NR1H3: variants seen among roughly 807,000 people sequenced by gnomAD.
NR1H3 encodes the protein nuclear receptor subfamily 1 group H member 3.
NR1H3 carries 19 observed loss-of-function variants against 48.1 expected under a neutral mutation model. The observed-to-expected ratio is 0.40, with a 90% CI of 0.28 to 0.58. The LOEUF is 0.58. Ranked by LOEUF, NR1H3 falls within the 20% of genes least tolerant of loss-of-function variation. The probability of loss-of-function intolerance (pLI) is 0.50; values close to 1 mark genes in which losing one functional copy is unlikely to be tolerated. For synonymous variants in NR1H3, 232 were observed against 227.3 expected (o/e 1.02, Z -0.19); for missense variants, 486 against 595.9 (o/e 0.82, Z 1.92).
At chr11:47,252,642 C>G (rs1348941733) in intron 1 of NR1H3, among the ~76,000 whole-genome samples, 3 of 149,186 alleles carry the variant, frequency 2.0e-5, no homozygotes, top group Non-Finnish European at 4.5e-5. Flanking sequence ...GGCACAGTCT[C>G]GGCTCACTGC....
Position 47,267,904 on chromosome 11 carries a change from C to T in NR1H3, c.989-9C>T, listed in dbSNP as rs777611725. ...GCTGCTTGCGTCAGCCTCCCTTCTT[C>T]CTCCCCAGGGCTGCAAGTGGAATTC... On this transcript the variant is annotated splice_polypyrimidine_tract_variant and intron_variant, in intron 7 of 9. Coordinates refer to ENST00000441012, the MANE Select transcript of NR1H3 (RefSeq NM_005693.4). 7.5e-6 allele frequency: 12 copies of T among 1,605,448 alleles called. 1 individual carries two copies. In the Admixed American group the frequency reaches 2.0e-4, roughly 27 times the overall value.
At chr11:47,248,918 G>A in exon 1 of NR1H3, 1 of 1,539,092 alleles carries the variant, frequency 6.5e-7, no homozygotes, top group Non-Finnish European at 8.7e-7. Context: ...GGGACCTGCT[G>A]GGGTGCGGGG....
intron 3 of NR1H3, 99 bp downstream of exon 3, chr11:47,260,078 T>A (rs538449655): frequency 2.1e-5 from 23 of 1,114,630 alleles, no homozygotes; most frequent in Admixed American, 3.3e-5. Flanking sequence ...TATAATCTCA[T>A]GGTTAAGTTC....
Position 47,264,991 on chromosome 11 carries a change from G to A in NR1H3, c.989-2922G>A, listed in dbSNP as rs571234039. On this transcript the variant is annotated intron_variant, in intron 7 of 9. Transcript: ENST00000441012. ...GGGGCTCAAAACCTCACCAAGAAAT[G>A]CTTTAGAAAATGGGGCTTGCCGCCG... 2.6e-5 allele frequency among the ~76,000 whole-genome samples: 4 copies of A among 152,308 alleles called. No homozygotes were observed. In the South Asian group the frequency reaches 8.3e-4, roughly 32 times the overall value.
chr11:47,258,939 G>A, intron 1 of NR1H3: 1 of 540,842 alleles, frequency 1.8e-6, no homozygotes, highest in Non-Finnish European at 3.0e-6. Context: ...ACTTTGGGAG[G>A]CCCAGGTGAG....
chr11:47,254,287 G>C (rs1214469601), upstream of NR1H3, among the ~76,000 whole-genome samples: 1 of 152,218 alleles, frequency 6.6e-6, no homozygotes. Flanking sequence ...AGAAGATAGG[G>C]CACCAGGCCC....
chr11:47,250,111 C>A (rs1954514823), intron 1 of NR1H3, among the ~76,000 whole-genome samples: 1 of 151,868 alleles, frequency 6.6e-6, no homozygotes, highest in South Asian at 2.1e-4. Flanking sequence ...ACAACAACAA[C>A]AAAAACCTGA....
intron 7 of NR1H3, among the ~76,000 whole-genome samples, chr11:47,263,606 CTT>C (rs563452264): frequency 1.1e-4 from 14 of 132,354 alleles, no homozygotes; most frequent in Non-Finnish European, 1.3e-4. Flanking sequence ...TTTTTCTTTT[CTT>C]TTTTTTTTTT....
intron 1 of NR1H3, among the ~76,000 whole-genome samples, chr11:47,251,473 G>T (rs979698882): frequency 1.3e-5 from 2 of 152,044 alleles, no homozygotes; most frequent in Non-Finnish European, 2.9e-5. Context: ...TTAGCCAGTC[G>T]TGGTGGCGTG....
intron 4 of NR1H3, 121 bp downstream of exon 4, chr11:47,260,796 C>A: frequency 3.8e-6 from 5 of 1,307,048 alleles, no homozygotes; most frequent in Non-Finnish European, 5.1e-6. Flanking sequence ...ATCCCAGTAT[C>A]TTTCTTGACC....
At chr11:47,266,432 G>T (rs1236787180) in intron 7 of NR1H3, among the ~76,000 whole-genome samples, 1 of 151,564 alleles carries the variant, frequency 6.6e-6, no homozygotes, top group African/African-American at 2.4e-5. Context: ...CACCTCCCAG[G>T]TTCAAGCAAT....
chr11:47,255,613 CTCTCTTTCTTTCTTTCTTTCTT>C (rs1824921653), upstream of NR1H3, among the ~76,000 whole-genome samples: 1 of 111,556 alleles, frequency 9.0e-6, no homozygotes, highest in African/African-American at 3.9e-5. Flanking sequence ...CTCTCTCTCT[CTCTCTTTCTTTCTTTCTTTCTT>C]TCTTTCTTTC....
chr11:47,248,820 G>A (rs1047018487), upstream of NR1H3: 2 of 1,561,400 alleles, frequency 1.3e-6, no homozygotes, highest in Non-Finnish European at 1.7e-6. Context: ...CAAACAAGCT[G>A]GAACCCGCTG....
At position 47,268,957 on chromosome 11, in the gene NR1H3, C is replaced by T. The variant is rs1486737016; in HGVS notation, c.*261C>T. ...CCTGGGGGCCACTTTGCACAGGGTT[C>T]TCCAGAGCCCTGCCCATCCTGCCTC... On this transcript the variant is annotated 3_prime_UTR_variant, in exon 10 of 10. Transcript: ENST00000441012. The T allele has an allele frequency of 4.3e-6, 2 of 465,398 alleles. No individual in the cohort carries two copies. Among genetic ancestry groups the T allele is most frequent in the African/African-American group, 3.9e-5 (2 of 51,042 alleles). The allele number at this position is 465,398 out of a possible 1,614,324, so 28.8% of individuals were successfully genotyped here. A position where few individuals can be genotyped will look rare whatever the true frequency, so the allele number is the denominator to read the frequency against.
intron 1 of NR1H3, among the ~76,000 whole-genome samples, chr11:47,251,994 C>G (rs1954699154): frequency 6.7e-6 from 1 of 148,978 alleles, no homozygotes; most frequent in Non-Finnish European, 1.5e-5. Flanking sequence ...TTGCCTTCAG[C>G]TTTTGCATTT....
chr11:47,263,379 C>G (rs1956121441), intron 7 of NR1H3, among the ~76,000 whole-genome samples: 1 of 151,812 alleles, frequency 6.6e-6, no homozygotes, highest in African/African-American at 2.4e-5. Context: ...ATCCTCCTGC[C>G]TCAGCCCCCA....
chr11:47,251,707 C>T (rs186326619), intron 1 of NR1H3, among the ~76,000 whole-genome samples: 31 of 152,222 alleles, frequency 2.0e-4, no homozygotes, highest in Admixed American at 2.0e-3. Flanking sequence ...TTTAATGGGC[C>T]TCTTACTCCT....
At chr11:47,253,747 C>T (rs1954852397), upstream of NR1H3, among the ~76,000 whole-genome samples, 1 of 152,142 alleles carries the variant, frequency 6.6e-6, no homozygotes. Context: ...TTCTGGGGGG[C>T]CAGATATGTG....
chr11:47,261,519 A>T, intron 5 of NR1H3, 28 bp from the exon 6 acceptor site: 1 of 1,611,394 alleles, frequency 6.2e-7, no homozygotes, highest in Non-Finnish European at 8.5e-7. Flanking sequence ...TCCGACTCAA[A>T]GCGCTTTGCC....
Sources: allele counts gnomAD v4.1 joint callset (sites outside exome capture counted in the v4.1 genomes callset), GRCh38; gene constraint gnomAD v4.1.1; transcripts MANE v1.5; gene names NCBI Gene and HGNC (gene_info 2026-07-23, HGNC 2026-07-21).